The following MKKS variants were observed in gnomAD, a reference collection of about 807,000 sequenced individuals.
MKKS encodes the protein MKKS centrosomal shuttling protein.
Under a neutral mutation model 33.2 loss-of-function variants are expected in MKKS, and 29 were observed. The observed-to-expected ratio is 0.87, with a 90% confidence interval of 0.65 to 1.19. The LOEUF (loss-of-function observed/expected upper bound fraction) is 1.19, where lower values mean the gene tolerates loss of function less well. Among genes scored for constraint, MKKS ranks in the 50% most tolerant of loss-of-function variants. MKKS has a pLI of 0.00. For synonymous variants in MKKS, 260 were observed against 244.0 expected (o/e 1.07, Z -0.61); for missense variants, 661 against 662.3 (o/e 1.00, Z 0.02).
chr20:10,403,436 C>T lies in MKKS; in HGVS notation c.*1811G>A, dbSNP rs990773123. 1.3e-5 allele frequency: 2 copies of T among 151,728 alleles called. No individual in the cohort carries two copies. Among genetic ancestry groups the T allele is most frequent in the South Asian group, 2.1e-4 (1 of 4,796 alleles). 9.4% of individuals were successfully genotyped at this position (151,728 alleles called of 1,614,324 possible). On this transcript the variant is annotated 3_prime_UTR_variant, in exon 6 of 6. Transcript: ENST00000347364. The stretch of plus-strand genomic sequence containing the variant: ...CCTCAAAAGTTTCACTTTTGCATTA[C>T]AACATCAGCTCAAAGTTCAGAATCT...
chr20:10,421,850 G>A (rs970559581), intron 1 of MKKS, among the ~76,000 whole-genome samples: 1 of 151,928 alleles, frequency 6.6e-6, no homozygotes, highest in Admixed American at 6.6e-5. Context: ...TTGATGATCT[G>A]TTGGGTTTGG....
At chr20:10,423,291 C>T (rs566123979) in intron 1 of MKKS, among the ~76,000 whole-genome samples, 138 of 152,098 alleles carry the variant, frequency 9.1e-4, no homozygotes, top group South Asian at 6.2e-3. Context: ...TGGTGGCGCA[C>T]GCCTGTAGTT....
rs991684325 is a variant in MKKS at position 10,402,374 on chromosome 20, C to G, written c.*2873G>C. ...TCATGTTTTATCATCTAAGTTTGAA[C>G]GCTAATTTTCTTGAACTATAGAGGA... On this transcript the variant is annotated 3_prime_UTR_variant, in exon 6 of 6. Transcript: ENST00000347364. The G allele has an allele frequency of 1.3e-5, 2 of 152,078 alleles. No homozygotes were observed. The highest frequency in any genetic ancestry group is 2.9e-5 in the Non-Finnish European group (2 of 68,014). 9.4% of individuals were successfully genotyped at this position (152,078 alleles called of 1,614,324 possible).
At chr20:10,420,053 G>T (rs2064968324) in intron 2 of MKKS, among the ~76,000 whole-genome samples, 1 of 151,994 alleles carries the variant, frequency 6.6e-6, no homozygotes, top group African/African-American at 2.4e-5. Context: ...ATGGATAAGG[G>T]ACTATAGACC....
chr20:10,414,395 G>A (rs975862246), intron 2 of MKKS, among the ~76,000 whole-genome samples: 1 of 151,402 alleles, frequency 6.6e-6, no homozygotes. Flanking sequence ...CCTCCTCAGT[G>A]GCAGGGATTA....
intron 5 of MKKS, 43 bp from the exon 6 acceptor site, chr20:10,405,730 AAT>A: frequency 6.8e-7 from 1 of 1,478,814 alleles, no homozygotes; most frequent in Non-Finnish European, 9.4e-7. Flanking sequence ...CAAAGCAATT[AAT>A]ATAAAATGTT....
rs993340022 is a variant in MKKS at position 10,413,843 on chromosome 20, A to G, written c.-329T>C. ...GATGGACACCTATGAAAGATATCCC[A>G]GCTACAAGAAGCCAGTTCTTTCTAA... On this transcript the variant is annotated 5_prime_UTR_variant, in exon 3 of 6. Transcript: ENST00000347364. 4 of 451,358 alleles carry G rather than the reference A, an allele frequency of 8.9e-6. No homozygotes were observed. Among genetic ancestry groups the G allele is most frequent in the African/African-American group, 2.0e-5 (1 of 49,944 alleles). The allele number at this position is 451,358 out of a possible 1,614,324, so 28.0% of individuals were successfully genotyped here.
At chr20:10,424,296 C>T (rs1364179229) in intron 1 of MKKS, among the ~76,000 whole-genome samples, 1 of 152,012 alleles carries the variant, frequency 6.6e-6, no homozygotes, top group Non-Finnish European at 1.5e-5. Flanking sequence ...TGGCTCACAC[C>T]TGTTACCCCA....
intron 1 of MKKS, among the ~76,000 whole-genome samples, chr20:10,429,259 T>C (rs2065037466): frequency 6.6e-6 from 1 of 152,210 alleles, no homozygotes; most frequent in African/African-American, 2.4e-5. Context: ...CCTTTTGATG[T>C]GTTCTTGAGA....
At chr20:10,427,518 G>A (rs2065024301) in intron 1 of MKKS, among the ~76,000 whole-genome samples, 1 of 152,058 alleles carries the variant, frequency 6.6e-6, no homozygotes, top group African/African-American at 2.4e-5. Flanking sequence ...TGACAATGTT[G>A]GCTTTAGGTA....
intron 1 of MKKS, among the ~76,000 whole-genome samples, chr20:10,426,455 G>T (rs2065015349): frequency 1.3e-5 from 2 of 152,210 alleles, no homozygotes; most frequent in South Asian, 4.1e-4. Flanking sequence ...GCCCAAGGGG[G>T]AGCGTAGTGG....
At position 10,413,631 on chromosome 20, in the gene MKKS, T is replaced by C. The variant is rs184393788; in HGVS notation, c.-117A>G. The C allele has an allele frequency of 3.2e-5, 37 of 1,152,942 alleles. No individual in the cohort carries two copies. In the Admixed American group the frequency reaches 6.7e-4, roughly 21 times the overall value. The allele number at this position is 1,152,942 out of a possible 1,614,324, so 71.4% of individuals were successfully genotyped here. On this transcript the variant is annotated 5_prime_UTR_variant, in exon 3 of 6. It adds an upstream start codon to the 5' untranslated region. Coordinates refer to ENST00000347364, the MANE Select transcript of MKKS (RefSeq NM_170784.3). The stretch of plus-strand genomic sequence containing the variant: ...TATTCTTTAGGAATTAAAGTATGAA[T>C]ATGCAGCATTGTGGCTATAAAATCA...
Position 10,407,727 on chromosome 20 carries a change from C to T in MKKS, c.1162-1G>A. Reference sequence around the variant, plus strand: ...CATGCAGTGCCGTCTGACACGTGAGCTAAGAAAAAACCCAAATCATCAGAA... The same window carrying T: ...CATGCAGTGCCGTCTGACACGTGAGTTAAGAAAAAACCCAAATCATCAGAA... On this transcript the variant is annotated splice_acceptor_variant, in intron 4 of 5. Transcript: ENST00000347364. LOFTEE classifies it high-confidence loss of function. The T allele has an allele frequency of 6.2e-7, 1 of 1,612,400 alleles. No individual in the cohort carries two copies. The highest frequency in any genetic ancestry group is 8.5e-7 in the Non-Finnish European group (1 of 1,178,946).
rs2064834912 is a variant in MKKS at position 10,405,405 on chromosome 20, G to A, written c.1555C>T (p.Pro519Ser). ...NWSFLRSTRR[P>S]FVPQSCLPHE... ...GGAAGGCAGCTTTGTGGCACAAATG[G>A]ACGACGTGTGCTTCTTAAGAAAGAC... Residue 519 changes from proline (P) to serine (S), a missense_variant, in exon 6 of 6, where the codon CCA becomes TCA. Coordinates refer to ENST00000347364, the MANE Select transcript of MKKS (RefSeq NM_170784.3). The A allele has an allele frequency of 6.2e-7, 1 of 1,614,196 alleles. No homozygotes were observed. Among genetic ancestry groups the A allele is most frequent in the African/African-American group, 1.3e-5 (1 of 75,058 alleles).
chr20:10,403,874 T>C lies in MKKS; in HGVS notation c.*1373A>G, dbSNP rs572274742. 7.9e-5 allele frequency: 12 copies of C among 152,212 alleles called. No individual in the cohort carries two copies. The highest frequency in any genetic ancestry group is 2.2e-4 in the African/African-American group (9 of 41,462). 9.4% of individuals were successfully genotyped at this position (152,212 alleles called of 1,614,324 possible). On this transcript the variant is annotated 3_prime_UTR_variant, in exon 6 of 6. Transcript: ENST00000347364. ...TCAGGTGGGGCTGATACCTAACATA[T>C]ATGGATGGCATTGCTGCTTGTATTG...
At chr20:10,415,527 G>T (rs1345460833) in intron 2 of MKKS, among the ~76,000 whole-genome samples, 1 of 152,304 alleles carries the variant, frequency 6.6e-6, no homozygotes, top group Non-Finnish European at 1.5e-5. Context: ...GTCAACTTTT[G>T]TATGGCATGA....
rs555761805 is a variant in MKKS, at chr20:10,402,905, A to G, written c.*2342T>C. 6.6e-6 allele frequency: 1 copy of G among 152,358 alleles called. No homozygotes were observed. The highest frequency in any genetic ancestry group is 2.1e-4 in the South Asian group (1 of 4,832). The allele number at this position is 152,358 out of a possible 1,614,324, so 9.4% of individuals were successfully genotyped here. On this transcript the variant is annotated 3_prime_UTR_variant, in exon 6 of 6. Coordinates refer to ENST00000347364, the MANE Select transcript of MKKS (RefSeq NM_170784.3). The stretch of plus-strand genomic sequence containing the variant: ...ATTAGATAGCTATTGCTGTATAAGA[A>G]AGTACATCCCAAATTTGACTTAAAA...
Position 10,407,721 on chromosome 20 carries a change from C to A in MKKS, c.1167G>T (p.Thr389=), listed in dbSNP as rs367980245. ...GCAGGACATGCAGTGCCGTCTGACA[C>A]GTGAGCTAAGAAAAAACCCAAATCA... The part of the protein sequence containing the change: ...NDTAWDELKL[T]CQTALHVLQL... The change falls in exon 5 of 6, where the codon ACG becomes ACT. Residue 389 remains threonine, a synonymous_variant. Coordinates refer to ENST00000347364, the MANE Select transcript of MKKS (RefSeq NM_170784.3). 1.2e-5 allele frequency: 19 copies of A among 1,613,256 alleles called. No homozygotes were observed. Among genetic ancestry groups the A allele is most frequent in the South Asian group, 8.8e-5 (8 of 90,954 alleles).
intron 1 of MKKS, among the ~76,000 whole-genome samples, chr20:10,427,967 G>A (rs1013614388): frequency 3.3e-5 from 5 of 152,182 alleles, no homozygotes; most frequent in Admixed American, 6.5e-5. Context: ...TCAGAAGGCC[G>A]AAACAGGTAT....
Sources: gnomAD v4.1 joint callset for allele counts (sites outside exome capture counted in the v4.1 genomes callset) on GRCh38, gnomAD v4.1.1 for gene constraint, MANE v1.5 for transcripts, NCBI Gene and HGNC (gene_info 2026-07-23, HGNC 2026-07-21) for gene names.